The following FANCI variants were observed in gnomAD, a reference collection of about 807,000 sequenced individuals.
The protein encoded by FANCI is FA complementation group I.
A neutral mutation model predicts 176.1 loss-of-function variants in FANCI; 156 were observed. That is an observed-to-expected ratio of 0.89 (90% CI 0.78 to 1.01). The LOEUF (loss-of-function observed/expected upper bound fraction) is 1.01, where lower values mean the gene tolerates loss of function less well. FANCI is among the 50% of genes least tolerant of loss of function. FANCI has a pLI of 0.00. For synonymous variants in FANCI, 613 were observed against 541.7 expected (o/e 1.13, Z -1.83); for missense variants, 1,678 against 1,534.1 (o/e 1.09, Z -1.57).
At chr15:89,277,969 T>C (rs556205788) in intron 13 of FANCI, among the ~76,000 whole-genome samples, 53 of 152,344 alleles carry the variant, frequency 3.5e-4, no homozygotes, top group African/African-American at 1.2e-3. Context: ...TCTTGAGAGT[T>C]ATCAGTGTAT....
At chr15:89,247,534 A>G (rs2052042763) in intron 1 of FANCI, 95 bp from the exon 2 acceptor site, 1 of 861,786 alleles carries the variant, frequency 1.2e-6, no homozygotes, top group Middle Eastern at 2.2e-4. Flanking sequence ...CCATTGCATA[A>G]TAGGTATGAA....
chr15:89,271,476 T>C (rs957371902), intron 10 of FANCI, among the ~76,000 whole-genome samples: 7 of 152,206 alleles, frequency 4.6e-5, no homozygotes, highest in African/African-American at 1.4e-4. Flanking sequence ...TTGTAGCGTA[T>C]GTCAGTATTT....
At chr15:89,270,204 G>T (rs1317060119) in intron 10 of FANCI, among the ~76,000 whole-genome samples, 1 of 152,082 alleles carries the variant, frequency 6.6e-6, no homozygotes, top group Admixed American at 6.6e-5. Context: ...GTTGGATTTG[G>T]CCAACAGGCT....
chr15:89,288,994 C>G (rs1332359937), intron 18 of FANCI, among the ~76,000 whole-genome samples: 6 of 151,744 alleles, frequency 4.0e-5, no homozygotes, highest in Admixed American at 1.3e-4. Flanking sequence ...AATGAATATT[C>G]ACTAACATTT....
intron 18 of FANCI, among the ~76,000 whole-genome samples, chr15:89,285,533 A>T (rs2053780680): frequency 1.3e-5 from 2 of 152,222 alleles, no homozygotes; most frequent in Non-Finnish European, 2.9e-5. Flanking sequence ...AGGCTGAGGC[A>T]GGAGGATCCC....
Position 89,303,821 on chromosome 15 carries a change from T to TC in FANCI, c.3007-42dup, listed in dbSNP as rs1242084386. On this transcript the variant is annotated intron_variant, in intron 27 of 37. Coordinates refer to ENST00000310775, the MANE Select transcript of FANCI (RefSeq NM_001113378.2). ...TCTGTTCTGACAACACCTAGGTCTA[T>TC]CTCTGGCATGTTTCTTTAATATCTG... The TC allele has an allele frequency of 2.6e-6, 4 of 1,566,742 alleles. No homozygotes were observed. In the African/African-American group the frequency reaches 5.4e-5, roughly 21 times the overall value.
At position 89,303,342 on chromosome 15, in the gene FANCI, G is replaced by A. The variant is rs183489488; in HGVS notation, c.3007-522G>A. The stretch of plus-strand genomic sequence containing the variant: ...CTGGTGATGCAGATGCTTGCTATCT[G>A]AAGACCTTAAGTCTCCTTCACTTAG... On this transcript the variant is annotated intron_variant, in intron 27 of 37. Coordinates refer to ENST00000310775, the MANE Select transcript of FANCI (RefSeq NM_001113378.2). Among the ~76,000 whole-genome samples, 90 of 152,340 alleles carry A rather than the reference G, an allele frequency of 5.9e-4. 1 individual carries two copies. Among genetic ancestry groups the A allele is most frequent in the African/African-American group, 2.1e-3 (89 of 41,572 alleles).
chr15:89,247,987 T>C (rs1391251669), intron 2 of FANCI, among the ~76,000 whole-genome samples: 1 of 152,240 alleles, frequency 6.6e-6, no homozygotes, highest in Non-Finnish European at 1.5e-5. Context: ...TTTACAACTG[T>C]ATTTATAAAA....
At chr15:89,284,560 C>G (rs770343241) in intron 17 of FANCI, among the ~76,000 whole-genome samples, 5 of 152,208 alleles carry the variant, frequency 3.3e-5, no homozygotes, top group Non-Finnish European at 5.9e-5. Flanking sequence ...AGGATTTGGC[C>G]TCAGGCAGTA....
At chr15:89,253,865 G>A (rs1177241551) in intron 2 of FANCI, among the ~76,000 whole-genome samples, 1 of 151,050 alleles carries the variant, frequency 6.6e-6, no homozygotes, top group Non-Finnish European at 1.5e-5. Context: ...TATAAAAATG[G>A]CCTTAAACAT....
intron 10 of FANCI, among the ~76,000 whole-genome samples, chr15:89,269,581 T>G (rs1427931022): frequency 6.6e-6 from 1 of 152,176 alleles, no homozygotes; most frequent in East Asian, 1.9e-4. Flanking sequence ...TTAAACATTT[T>G]TGGCAAGAAT....
At position 89,299,909 on chromosome 15, in the gene FANCI, T is replaced by C. The variant is rs920951342; in HGVS notation, c.2746T>C (p.Phe916Leu). Residue 916 changes from phenylalanine to leucine, a missense_variant, in exon 25 of 38, where the codon TTC (phenylalanine) becomes CTC (leucine). Phe to Leu is a conservative substitution (Grantham distance 22). This residue lies in a region of FANCI where 1,204 missense variants were observed against 1,077.4 expected (regional missense o/e 1.12). Transcript: ENST00000310775. ...GTGCTTGGAGGGTTTACAGAAAATA[T>C]TCAGTGCTGTGCAACAGTTCTATCA... ...LLCLEGLQKI[F>L]SAVQQFYQPK... The C allele has an allele frequency of 6.2e-6, 10 of 1,614,006 alleles. No homozygotes were observed. Among genetic ancestry groups the C allele is most frequent in the Non-Finnish European group, 8.5e-6 (10 of 1,180,012 alleles).
In FANCI at chr15:89,285,131, C is replaced by G; in HGVS notation, c.1734C>G (p.Val578=). 2 of 1,614,078 alleles carry G rather than the reference C, an allele frequency of 1.2e-6. No homozygotes were observed. Among genetic ancestry groups the G allele is most frequent in the Non-Finnish European group, 1.7e-6 (2 of 1,180,008 alleles). The change falls in exon 18 of 38, where the codon GTC becomes GTG. Residue 578 remains valine, a synonymous_variant. Coordinates refer to ENST00000310775, the MANE Select transcript of FANCI (RefSeq NM_001113378.2). ...ATGTTCACAGCCATTACAATTCTGT[C>G]GCCAATGAAACTTTTTGCCTTGAGA... ...HVDVHSHYNS[V]ANETFCLEIM...
At position 89,295,752 on chromosome 15, in the gene FANCI, TTTG is replaced by T. The variant is rs893764005; in HGVS notation, c.2636+673_2636+675del. On this transcript the variant is annotated intron_variant, in intron 24 of 37. Coordinates refer to ENST00000310775, the MANE Select transcript of FANCI (RefSeq NM_001113378.2). ...CTGGCGCCCCCCCCACCTTTTTTTT[TTTG>T]TTGTTGTTGTTGTTTTGGCTTTTTT... Among the ~76,000 whole-genome samples the T allele has an allele frequency of 8.1e-4, 118 of 144,818 alleles. 1 individual carries two copies. The highest frequency in any genetic ancestry group is 2.7e-3 in the African/African-American group (106 of 39,832).
intron 19 of FANCI, chr15:89,290,526 G>A (rs2054020802): frequency 6.1e-6 from 3 of 489,692 alleles, no homozygotes; most frequent in South Asian, 4.8e-5. Context: ...TAAGTCAGAA[G>A]GACATTTTGA....
At chr15:89,290,950 T>A (rs941582342) in intron 19 of FANCI, among the ~76,000 whole-genome samples, 2 of 152,222 alleles carry the variant, frequency 1.3e-5, no homozygotes, top group Admixed American at 1.3e-4. Context: ...ATATAAAATT[T>A]ATATTCTGTC....
At chr15:89,274,599 CTTTTTTTT>C (rs1157910630) in intron 12 of FANCI, among the ~76,000 whole-genome samples, 1 of 82,812 alleles carries the variant, frequency 1.2e-5, no homozygotes, top group South Asian at 4.6e-4. Flanking sequence ...TCTTTCTTTC[CTTTTTTTT>C]TTTTTTTTTT....
intron 31 of FANCI, 50 bp from the exon 32 acceptor site, chr15:89,305,957 A>T: frequency 6.3e-7 from 1 of 1,587,310 alleles, no homozygotes; most frequent in Non-Finnish European, 8.7e-7. Context: ...CTTTACTCTT[A>T]ATTAGAAAAC....
intron 24 of FANCI, 33 bp from the exon 25 acceptor site, chr15:89,299,767 C>A: frequency 1.2e-6 from 2 of 1,607,338 alleles, no homozygotes; most frequent in South Asian, 2.2e-5. Context: ...GTGAACCTGT[C>A]TTTAAAAACA....
Sources: gnomAD v4.1 joint callset for allele counts (sites outside exome capture counted in the v4.1 genomes callset) on GRCh38, gnomAD v4.1.1 for gene constraint, gnomAD v4.1.1 regional missense constraint, MANE v1.5 for transcripts, NCBI Gene and HGNC (gene_info 2026-07-23, HGNC 2026-07-21) for gene names.